Variants in SPOCK3 observed in about 807,000 individuals in gnomAD.
SPOCK3 encodes the protein SPARC (osteonectin), cwcv and kazal like domains proteoglycan 3, also known as testican-3.
Under a neutral mutation model 56.6 loss-of-function variants are expected in SPOCK3, and 30 were observed. The ratio of observed to expected loss-of-function variants is 0.53; its 90% CI spans 0.40 to 0.72. The LOEUF (loss-of-function observed/expected upper bound fraction) is 0.72, where lower values mean the gene tolerates loss of function less well. Ranked by LOEUF, SPOCK3 falls within the 30% of genes least tolerant of loss-of-function variation. The probability of loss-of-function intolerance (pLI) is 0.00; values close to 1 mark genes in which losing one functional copy is unlikely to be tolerated. For synonymous variants in SPOCK3, 196 were observed against 183.3 expected, an observed-to-expected ratio of 1.07 and a Z score of -0.56; for missense variants, 527 against 530.0, an observed-to-expected ratio of 0.99 and a Z score of 0.06.
chr4:166,850,557 G>C (rs984694286), intron 6 of SPOCK3, among the ~76,000 whole-genome samples: 1 of 152,178 alleles, frequency 6.6e-6, no homozygotes, highest in Non-Finnish European at 1.5e-5. Context: ...CTGAGGTACC[G>C]GGTTCATCTC....
intron 6 of SPOCK3, among the ~76,000 whole-genome samples, chr4:166,841,085 GT>G (rs201046909): frequency 1.3e-5 from 2 of 151,430 alleles, no homozygotes; most frequent in East Asian, 1.9e-4. Flanking sequence ...GCCCGCAGAA[GT>G]TTTTTTTTAC....
At position 166,737,462 on chromosome 4, in the gene SPOCK3, CT is replaced by C; in HGVS notation, c.1132+4del. The C allele has an allele frequency of 6.2e-7, 1 of 1,610,976 alleles. No individual in the cohort carries two copies. Among genetic ancestry groups the C allele is most frequent in the Non-Finnish European group, 8.5e-7 (1 of 1,178,640 alleles). Reference sequence around the variant, plus strand: ...AATTATGAAATAAGTAACCCTTCTCCTTACCACAATCTGCAACACCATTTAT... The same window carrying C: ...AATTATGAAATAAGTAACCCTTCTCCTACCACAATCTGCAACACCATTTAT... On this transcript the variant is annotated splice_donor_region_variant and intron_variant, in intron 10 of 10. Coordinates refer to ENST00000357545, the MANE Select transcript of SPOCK3 (RefSeq NM_001040159.2).
chr4:167,002,142 A>T (rs537632920), intron 3 of SPOCK3, among the ~76,000 whole-genome samples: 1 of 152,066 alleles, frequency 6.6e-6, no homozygotes, highest in East Asian at 1.9e-4. Flanking sequence ...TATTTTTAGT[A>T]GAGACGGGGT....
chr4:166,733,975 C>T lies in SPOCK3; in HGVS notation c.*946G>A, dbSNP rs976946621. On this transcript the variant is annotated 3_prime_UTR_variant, in exon 11 of 11. Coordinates refer to ENST00000357545, the MANE Select transcript of SPOCK3 (RefSeq NM_001040159.2). ...ATACAATAAGTTCTCTAAGTTTCCA[C>T]ACTACTAACAAAAATAACATAATTC... The T allele has an allele frequency of 6.6e-6, 1 of 152,158 alleles. No individual in the cohort carries two copies. The highest frequency in any genetic ancestry group is 1.5e-5 in the Non-Finnish European group (1 of 67,752). The allele number at this position is 152,158 out of a possible 1,614,324, so 9.4% of individuals were successfully genotyped here.
intron 4 of SPOCK3, among the ~76,000 whole-genome samples, chr4:166,964,279 G>A (rs996905225): frequency 1.3e-5 from 2 of 151,616 alleles, no homozygotes; most frequent in African/African-American, 4.8e-5. Context: ...ATGTTCTGAG[G>A]AGAGAGAAAA....
chr4:167,147,666 A>G (rs815228), intron 2 of SPOCK3, among the ~76,000 whole-genome samples: 152,114 of 152,200 alleles, frequency 1, 76,014 homozygotes, highest in Middle Eastern at 1. Flanking sequence ...TCAGGGACAT[A>G]GATGAAGCTG....
At chr4:167,073,174 T>C (rs1756850410) in intron 2 of SPOCK3, among the ~76,000 whole-genome samples, 1 of 151,726 alleles carries the variant, frequency 6.6e-6, no homozygotes, top group Non-Finnish European at 1.5e-5. Flanking sequence ...TTAGTGTTCA[T>C]AATTCATAAT....
intron 6 of SPOCK3, among the ~76,000 whole-genome samples, chr4:166,879,889 C>T (rs1169058999): frequency 6.6e-6 from 1 of 151,954 alleles, no homozygotes; most frequent in Non-Finnish European, 1.5e-5. Context: ...AAAGTGTGTA[C>T]CATCTCCCTC....
At chr4:167,078,228 A>G (rs1039714766) in intron 2 of SPOCK3, among the ~76,000 whole-genome samples, 1 of 151,798 alleles carries the variant, frequency 6.6e-6, no homozygotes, top group African/African-American at 2.4e-5. Flanking sequence ...ATCAGATCAG[A>G]AACTCTGTAT....
intron 6 of SPOCK3, among the ~76,000 whole-genome samples, chr4:166,810,562 G>T (rs1743664409): frequency 6.6e-6 from 1 of 151,776 alleles, no homozygotes; most frequent in Admixed American, 6.6e-5. Flanking sequence ...ATAATTTCAA[G>T]CATGTGATTC....
chr4:167,160,018 A>G (rs369861918), intron 2 of SPOCK3, among the ~76,000 whole-genome samples: 1 of 152,154 alleles, frequency 6.6e-6, no homozygotes, highest in East Asian at 1.9e-4. Flanking sequence ...CCTATTCAAC[A>G]TATTGTTGGA....
At chr4:167,010,798 T>C (rs534657131) in intron 3 of SPOCK3, among the ~76,000 whole-genome samples, 1 of 151,662 alleles carries the variant, frequency 6.6e-6, no homozygotes, top group East Asian at 1.9e-4. Flanking sequence ...AACACATTAA[T>C]AGAAAAATGA....
chr4:166,915,691 A>G (rs1009525572), intron 4 of SPOCK3, among the ~76,000 whole-genome samples: 7 of 152,264 alleles, frequency 4.6e-5, no homozygotes, highest in Middle Eastern at 3.4e-3. Flanking sequence ...GGCTCAGGCT[A>G]TGAGAATGGT....
chr4:167,233,338 C>G (rs534225965), intron 2 of SPOCK3, among the ~76,000 whole-genome samples: 1 of 152,180 alleles, frequency 6.6e-6, no homozygotes, highest in South Asian at 2.1e-4. Flanking sequence ...CTCCCGCCCT[C>G]GCAACCTCTT....
At chr4:167,205,884 C>T (rs1341264661) in intron 2 of SPOCK3, among the ~76,000 whole-genome samples, 1 of 151,520 alleles carries the variant, frequency 6.6e-6, no homozygotes, top group Admixed American at 6.6e-5. Flanking sequence ...GCTGGGATTA[C>T]AGGCATAAGC....
At position 167,205,450 on chromosome 4, in the gene SPOCK3, TTATA is replaced by T. The variant is rs1411837925; in HGVS notation, c.189+28531_189+28534del. Reference sequence around the variant, plus strand: ...TATATAATATATAATATAATATATATTATATAAATATATAGAATTTATTTTATAT... The same window carrying T: ...TATATAATATATAATATAATATATATTAAATATATAGAATTTATTTTATAT... On this transcript the variant is annotated intron_variant, in intron 2 of 10. Coordinates refer to ENST00000357545, the MANE Select transcript of SPOCK3 (RefSeq NM_001040159.2). Among the ~76,000 whole-genome samples the T allele has an allele frequency of 5.8e-3, 293 of 50,216 alleles. 5 individuals are homozygous for T. The highest frequency in any genetic ancestry group is 0.014 in the Middle Eastern group (1 of 74). 32.9% of individuals were successfully genotyped at this position (50,216 alleles called of 152,430 possible).
chr4:167,206,239 A>C (rs1459568908), intron 2 of SPOCK3, among the ~76,000 whole-genome samples: 1 of 151,910 alleles, frequency 6.6e-6, no homozygotes, highest in African/African-American at 2.4e-5. Flanking sequence ...TAGGAGAATC[A>C]CTTGAACCCG....
intron 2 of SPOCK3, among the ~76,000 whole-genome samples, chr4:167,156,034 CATAGA>C (rs1764791369): frequency 6.6e-6 from 1 of 151,936 alleles, no homozygotes; most frequent in Non-Finnish European, 1.5e-5. Context: ...CTAGCAGCCA[CATAGA>C]AAAGTTAAAA....
At chr4:166,887,440 A>G (rs1284505695) in intron 6 of SPOCK3, among the ~76,000 whole-genome samples, 1 of 152,178 alleles carries the variant, frequency 6.6e-6, no homozygotes, top group Admixed American at 6.6e-5. Flanking sequence ...GTGATTTCCA[A>G]AGATAAATGT....
Sources: gnomAD v4.1 joint callset for allele counts (sites outside exome capture counted in the v4.1 genomes callset) on GRCh38, gnomAD v4.1.1 for gene constraint, MANE v1.5 for transcripts, NCBI Gene and HGNC (gene_info 2026-07-23, HGNC 2026-07-21) for gene names.